NBEAL2: variants seen among roughly 807,000 people sequenced by gnomAD.
NBEAL2 encodes the protein neurobeachin like 2.
NBEAL2 carries 160 observed loss-of-function variants against 299.8 expected under a neutral mutation model. That is an observed-to-expected ratio of 0.53 (90% CI 0.47 to 0.61). NBEAL2 has a LOEUF of 0.61. Among genes scored for constraint, NBEAL2 ranks in the 20% least tolerant of loss-of-function variants. NBEAL2 has a pLI of 0.00. For missense variants in NBEAL2, 3,112 were observed against 3,649.0 expected, an observed-to-expected ratio of 0.85 and a Z score of 3.79; for synonymous variants, 1,493 against 1,542.3, an observed-to-expected ratio of 0.97 and a Z score of 0.75.
chr3:47,006,552 C>A (rs529372060), intron 45 of NBEAL2, 103 bp downstream of exon 45: 1 of 1,156,478 alleles, frequency 8.6e-7, no homozygotes, highest in East Asian at 2.6e-5. Context: ...ATCAAGGTCA[C>A]TGATTTCAAG....
rs371601393 is a variant in NBEAL2 at position 46,997,647 on chromosome 3, C to T, written c.2911C>T (p.Leu971=). Residue 971 remains leucine, a synonymous_variant, in exon 20 of 54, where the codon CTG becomes TTG. Transcript: ENST00000450053. The part of the protein sequence containing the change: ...LQGHMVNQES[L]VQCQGPAIIG... Reference sequence around the variant, plus strand: ...GGGTCACATGGTGAACCAAGAGAGCCTGGTGCAGTGCCAGGGGCCTGCCAT... The same window carrying T: ...GGGTCACATGGTGAACCAAGAGAGCTTGGTGCAGTGCCAGGGGCCTGCCAT... The T allele has an allele frequency of 1.7e-5, 27 of 1,587,530 alleles. No individual in the cohort carries two copies. The highest frequency in any genetic ancestry group is 1.7e-5 in the Admixed American group (1 of 58,042).
chr3:46,993,339 C>T (rs2036245373), intron 10 of NBEAL2, among the ~76,000 whole-genome samples: 1 of 152,198 alleles, frequency 6.6e-6, no homozygotes, highest in Non-Finnish European at 1.5e-5. Flanking sequence ...TGCTGAGAAA[C>T]TCTCCAAGCC....
In NBEAL2 at chr3:46,989,149, ACC is replaced by A; in HGVS notation, c.335_336del (p.Thr112LysfsTer35). 6.2e-7 allele frequency: 1 copy of A among 1,613,864 alleles called. No individual in the cohort carries two copies. Among genetic ancestry groups the A allele is most frequent in the Non-Finnish European group, 8.5e-7 (1 of 1,179,830 alleles). ...AGTGCCCCGAGTGCTGGCACTGTTG[ACC>A]AAGTTGGTGGCGGAGGTGAAGTGGC... ...VLVPRVLALL[T>X]KLVAELKGCP... is the part of the protein sequence containing the mutation. On this transcript the variant is annotated frameshift_variant, in exon 4 of 54. Transcript: ENST00000450053. LOFTEE classifies it high-confidence loss of function. This position sits in a 1 kb window ranked among gnomAD's most constrained non-coding sequence, Gnocchi z 5.5.
chr3:46,988,062 G>C lies in NBEAL2; in HGVS notation c.52-607G>C, dbSNP rs1160803477. 2 of 1,247,290 alleles carry C rather than the reference G, an allele frequency of 1.6e-6. No individual in the cohort carries two copies. Among genetic ancestry groups the C allele is most frequent in the Admixed American group, 5.6e-5 (2 of 35,688 alleles). The allele number at this position is 1,247,290 out of a possible 1,614,324, so 77.3% of individuals were successfully genotyped here. On this transcript the variant is annotated intron_variant, in intron 1 of 53. Transcript: ENST00000450053. The surrounding 1 kb of genome is among the most constrained non-coding windows in gnomAD (Gnocchi z 4.4). The stretch of plus-strand genomic sequence containing the variant: ...CCCTCTTGCCCATGGAACCAGCTCT[G>C]GGGCCTGGGGTCCAGGTAACCAGCA...
At chr3:47,007,946 G>T in intron 49 of NBEAL2, 36 bp downstream of exon 49, 2 of 1,595,204 alleles carry the variant, frequency 1.3e-6, no homozygotes, top group Admixed American at 1.7e-5. Flanking sequence ...GGCCCCCGTA[G>T]CCCAGACCTG....
intron 11 of NBEAL2, 132 bp from the exon 12 acceptor site, chr3:46,994,323 G>A (rs763226442): frequency 8.5e-6 from 7 of 822,974 alleles, no homozygotes; most frequent in Non-Finnish European, 1.2e-5. Context: ...CTGCCCACCA[G>A]CACTGTCACC....
rs187629020 is a variant in NBEAL2, at chr3:46,993,979, A to G, written c.1156A>G (p.Arg386Gly). Residue 386 changes from arginine (R) to glycine (G), a missense_variant, in exon 11 of 54, where the codon AGA becomes GGA. Coordinates refer to ENST00000450053, the MANE Select transcript of NBEAL2 (RefSeq NM_015175.3). ...DTDAIAVHVV[R>G]VLTCIMSDSP... ...AGACGCCATTGCAGTCCATGTAGTC[A>G]GAGTGCTGACCTGCATCATGAGTGA... The G allele has an allele frequency of 1.5e-5, 24 of 1,612,134 alleles. No individual in the cohort carries two copies. In the East Asian group the frequency reaches 5.4e-4, roughly 36 times the overall value.
In NBEAL2 at chr3:46,989,554, C is replaced by T; in HGVS notation, c.517C>T (p.Pro173Ser). Reference protein sequence around the residue: ...SKEKSKYKFPPAALPQEFSAF... With the variant: ...SKEKSKYKFPSAALPQEFSAF... ...GGAGAAGAGCAAATACAAGTTCCCTCCTGCTGCTTTGCCCCAGGAATTCAG... is the reference window on the plus strand; with the variant it reads ...GGAGAAGAGCAAATACAAGTTCCCTTCTGCTGCTTTGCCCCAGGAATTCAG... Residue 173 changes from proline (P) to serine (S), a missense_variant, in exon 6 of 54, where the codon CCT becomes TCT. Pro to Ser is a moderately conservative substitution (Grantham distance 74). This residue lies in a region of NBEAL2 where 2,243 missense variants were observed against 2,538.1 expected (regional missense o/e 0.88). Coordinates refer to ENST00000450053, the MANE Select transcript of NBEAL2 (RefSeq NM_015175.3). This position sits in a 1 kb window ranked among gnomAD's most constrained non-coding sequence, Gnocchi z 5.5. 6.3e-7 allele frequency: 1 copy of T among 1,598,268 alleles called. No individual in the cohort carries two copies. The highest frequency in any genetic ancestry group is 8.5e-7 in the Non-Finnish European group (1 of 1,172,308).
At chr3:46,993,444 C>T (rs1465688126) in intron 10 of NBEAL2, among the ~76,000 whole-genome samples, 2 of 152,230 alleles carry the variant, frequency 1.3e-5, no homozygotes, top group Non-Finnish European at 2.9e-5. Context: ...GTGCCCCCAC[C>T]TGGATCTAGG....
chr3:46,999,997 G>T lies in NBEAL2; in HGVS notation c.3898G>T (p.Gly1300Cys), dbSNP rs575957245. The change falls in exon 27 of 54, where the codon GGC becomes TGC. Residue 1300 changes from glycine to cysteine, a missense_variant. By Grantham distance (159) the Gly-to-Cys change is radical. This residue lies in a region of NBEAL2 where 2,243 missense variants were observed against 2,538.1 expected (regional missense o/e 0.88). Transcript: ENST00000450053. ...ATATGTCCTGGAGGCTGCCACAGCC[G>T]GCAGCCCCCCTCCGTCTTCCCCAGA... ...RLYVLEAATA[G>C]SPPPSSPESP... 6.2e-7 allele frequency: 1 copy of T among 1,612,036 alleles called. No individual in the cohort carries two copies. The highest frequency in any genetic ancestry group is 8.5e-7 in the Non-Finnish European group (1 of 1,179,828).
Position 46,991,691 on chromosome 3 carries a change from G to A in NBEAL2, c.925+3G>A, listed in dbSNP as rs765557241. 3 of 1,593,624 alleles carry A rather than the reference G, an allele frequency of 1.9e-6. No homozygotes were observed. The Admixed American group carries it at 5.1e-5, about 27-fold the overall frequency. ...CACCCTCCGGGTCAGCATGCTCGGT[G>A]GGTATGGGCTCCCAGGCTCTTGGGG... On this transcript the variant is annotated splice_donor_region_variant and intron_variant, in intron 8 of 53. Coordinates refer to ENST00000450053, the MANE Select transcript of NBEAL2 (RefSeq NM_015175.3). The surrounding 1 kb of genome is among the most constrained non-coding windows in gnomAD (Gnocchi z 6.2).
chr3:46,985,234 T>C (rs1410330762), intron 1 of NBEAL2, among the ~76,000 whole-genome samples: 1 of 152,176 alleles, frequency 6.6e-6, no homozygotes, highest in African/African-American at 2.4e-5. Context: ...GGCACCACCC[T>C]ACAGGGCCTC....
chr3:47,001,604 C>T lies in NBEAL2; in HGVS notation c.4645-85C>T. 1 of 1,583,922 alleles carries T rather than the reference C, an allele frequency of 6.3e-7. No individual in the cohort carries two copies. Among genetic ancestry groups the T allele is most frequent in the Non-Finnish European group, 8.6e-7 (1 of 1,163,396 alleles). Reference sequence around the variant, plus strand: ...TGTGTGCACAAACCCTACCTGGCCCCCAGCGCAAACTTTACTTTGCTCCCT... The same window carrying T: ...TGTGTGCACAAACCCTACCTGGCCCTCAGCGCAAACTTTACTTTGCTCCCT... On this transcript the variant is annotated intron_variant, in intron 29 of 53. Coordinates refer to ENST00000450053, the MANE Select transcript of NBEAL2 (RefSeq NM_015175.3). This position sits in a 1 kb window ranked among gnomAD's most constrained non-coding sequence, Gnocchi z 6.1.
Position 47,009,014 on chromosome 3 carries a change from C to A in NBEAL2, c.8053C>A (p.Pro2685Thr), listed in dbSNP as rs1226283910. The change falls in exon 53 of 54, where the codon CCC becomes ACC. Residue 2685 changes from proline (P) to threonine (T), a missense_variant. Coordinates refer to ENST00000450053, the MANE Select transcript of NBEAL2 (RefSeq NM_015175.3). ...ACTGCTCCCGGCCGCGCCTCCCTTG[C>A]CCATGAAGGTGGCCATCCGCAGCGT... ...NTLLPAAPPL[P>T]MKVAIRSVAV... is the part of the protein sequence containing the mutation. 3 of 1,600,292 alleles carry A rather than the reference C, an allele frequency of 1.9e-6. No homozygotes were observed. Among genetic ancestry groups the A allele is most frequent in the Non-Finnish European group, 2.5e-6 (3 of 1,179,838 alleles).
In NBEAL2 at chr3:46,988,741, T is replaced by C; in HGVS notation, c.124T>C (p.Ser42Pro). Residue 42 changes from serine (S) to proline (P), a missense_variant, in exon 2 of 54, where the codon TCT becomes CCT. Physicochemically the swap from Ser to Pro is moderately conservative, Grantham distance 74. This residue lies in a region of NBEAL2 where 2,243 missense variants were observed against 2,538.1 expected (regional missense o/e 0.88). Coordinates refer to ENST00000450053, the MANE Select transcript of NBEAL2 (RefSeq NM_015175.3). The surrounding 1 kb of genome is among the most constrained non-coding windows in gnomAD (Gnocchi z 4.4). ...GAFKKSISLS[S>P]LEPRRPEEAG... is the part of the protein sequence containing the mutation. ...CTTCAAGAAGAGCATCTCACTGTCC[T>C]CTCTGGAGCCACGAAGGTGAGGCTG... 6.2e-7 allele frequency: 1 copy of C among 1,613,478 alleles called. No homozygotes were observed.
Position 47,004,265 on chromosome 3 carries a change from C to T in NBEAL2, c.6070C>T (p.Pro2024Ser), listed in dbSNP as rs770726163. 1.9e-6 allele frequency: 3 copies of T among 1,613,616 alleles called. No individual in the cohort carries two copies. Among genetic ancestry groups the T allele is most frequent in the Non-Finnish European group, 2.5e-6 (3 of 1,179,746 alleles). ...PSQTPRPQPG[P>S]IPPHTQVRNQ... Reference sequence around the variant, plus strand: ...CCAGACTCCCAGACCCCAGCCTGGCCCCATCCCACCCCATACCCAGGTACG... The same window carrying T: ...CCAGACTCCCAGACCCCAGCCTGGCTCCATCCCACCCCATACCCAGGTACG... The change falls in exon 37 of 54, where the codon CCC (proline) becomes TCC (serine). Residue 2024 changes from proline (P) to serine (S), a missense_variant. By Grantham distance (74) the Pro-to-Ser change is moderately conservative. This residue lies in a region of NBEAL2 where 521 missense variants were observed against 729.6 expected (regional missense o/e 0.71). Transcript: ENST00000450053. This position sits in a 1 kb window ranked among gnomAD's most constrained non-coding sequence, Gnocchi z 5.0.
chr3:47,000,276 G>T lies in NBEAL2; in HGVS notation c.4177G>T (p.Asp1393Tyr). The change falls in exon 27 of 54, where the codon GAT (aspartate) becomes TAT (tyrosine). Residue 1393 changes from aspartate to tyrosine, a missense_variant. Coordinates refer to ENST00000450053, the MANE Select transcript of NBEAL2 (RefSeq NM_015175.3). This position sits in a 1 kb window ranked among gnomAD's most constrained non-coding sequence, Gnocchi z 4.5. ...CCAGCCCGGCACTCCTTCGCCACTGGATGGGCCGCGGCCCTTTCCTGCTGC... is the reference window on the plus strand; with the variant it reads ...CCAGCCCGGCACTCCTTCGCCACTGTATGGGCCGCGGCCCTTTCCTGCTGC... ...ASQPGTPSPL[D>Y]GPRPFPAAPG... is the part of the protein sequence containing the mutation. 2 of 1,612,954 alleles carry T rather than the reference G, an allele frequency of 1.2e-6. No individual in the cohort carries two copies. The highest frequency in any genetic ancestry group is 1.7e-6 in the Non-Finnish European group (2 of 1,179,880).
At position 47,009,553 on chromosome 3, in the gene NBEAL2, C is replaced by A; in HGVS notation, c.*233C>A. ...TGAGGGCCAGCACTGGCGTCTGCGG[C>A]CGCAGCAGCACTTTTTGCACAGTCT... On this transcript the variant is annotated 3_prime_UTR_variant, in exon 54 of 54. Coordinates refer to ENST00000450053, the MANE Select transcript of NBEAL2 (RefSeq NM_015175.3). 1 of 554,456 alleles carries A rather than the reference C, an allele frequency of 1.8e-6. No homozygotes were observed. The highest frequency in any genetic ancestry group is 3.2e-6 in the Non-Finnish European group (1 of 313,570). 34.3% of individuals were successfully genotyped at this position (554,456 alleles called of 1,614,324 possible).
At position 47,007,851 on chromosome 3, in the gene NBEAL2, A is replaced by G. The variant is rs2037573029; in HGVS notation, c.7543A>G (p.Ile2515Val). The G allele has an allele frequency of 1.6e-5, 26 of 1,613,640 alleles. No individual in the cohort carries two copies. The highest frequency in any genetic ancestry group is 2.2e-5 in the Non-Finnish European group (26 of 1,179,804). ...CTGCCTTGCACTGGACACCTGTGGC[A>G]TCTACCTCATCTCAGGCTCCCGGGA... is the stretch of plus-strand genomic sequence containing the variant. ...VTCLALDTCG[I>V]YLISGSRDTT... Residue 2515 changes from isoleucine to valine, a missense_variant, in exon 49 of 54, where the codon ATC (isoleucine) becomes GTC (valine). Ile to Val is a conservative substitution (Grantham distance 29). This residue lies in a region of NBEAL2 where 348 missense variants were observed against 381.4 expected (regional missense o/e 0.91). Coordinates refer to ENST00000450053, the MANE Select transcript of NBEAL2 (RefSeq NM_015175.3).
Sources: allele counts gnomAD v4.1 joint callset (sites outside exome capture counted in the v4.1 genomes callset), GRCh38; gene constraint gnomAD v4.1.1; regional missense constraint gnomAD v4.1.1; non-coding constraint Gnocchi (gnomAD v3.1); transcripts MANE v1.5; gene names NCBI Gene and HGNC (gene_info 2026-07-23, HGNC 2026-07-21).